PTER: variants seen among roughly 807,000 people sequenced by gnomAD.
PTER encodes the protein N-acetyltaurine hydrolase.
In PTER, 38 loss-of-function variants were observed where a neutral mutation model predicts 29.6. That is an observed-to-expected ratio of 1.28 (90% CI 0.99 to 1.68). PTER has a LOEUF of 1.68. Ranked by LOEUF, PTER falls within the 40% of genes most tolerant of loss-of-function variation. PTER has a pLI of 0.00. For synonymous variants in PTER, 172 were observed against 154.5 expected, an observed-to-expected ratio of 1.11 and a Z score of -0.84; for missense variants, 482 against 427.8, an observed-to-expected ratio of 1.13 and a Z score of -1.12.
chr10:16,517,182 A>G (rs1158171818), downstream of PTER, among the ~76,000 whole-genome samples: 2 of 152,152 alleles, frequency 1.3e-5, no homozygotes, highest in Non-Finnish European at 2.9e-5. Context: ...AGCGCAATCA[A>G]CCGATTTCTA....
At chr10:16,495,327 C>T (rs945147457) in intron 3 of PTER, among the ~76,000 whole-genome samples, 4 of 152,064 alleles carry the variant, frequency 2.6e-5, no homozygotes, top group South Asian at 2.1e-4. Context: ...TGCACTACCA[C>T]GCTCAGCCAA....
At chr10:16,450,006 G>T (rs1317234424) in intron 1 of PTER, among the ~76,000 whole-genome samples, 2 of 152,250 alleles carry the variant, frequency 1.3e-5, no homozygotes, top group East Asian at 3.9e-4. Flanking sequence ...CCTGCTTAGT[G>T]GGCCCAAATC....
intron 1 of PTER, among the ~76,000 whole-genome samples, chr10:16,464,736 C>T (rs1167379951): frequency 1.3e-5 from 2 of 152,208 alleles, no homozygotes; most frequent in African/African-American, 2.4e-5. Flanking sequence ...CTCATTCCTC[C>T]AGTATCAGTG....
Position 16,513,198 on chromosome 10 carries a change from A to G in PTER, c.*1942A>G, listed in dbSNP as rs576442516. 7 of 152,328 alleles carry G rather than the reference A, an allele frequency of 4.6e-5. No individual in the cohort carries two copies. The East Asian group carries it at 1.4e-3, about 29-fold the overall frequency. The allele number at this position is 152,328 out of a possible 1,614,324, so 9.4% of individuals were successfully genotyped here. A position where few individuals can be genotyped will look rare whatever the true frequency, so the allele number is the denominator to read the frequency against. On this transcript the variant is annotated 3_prime_UTR_variant, in exon 5 of 5. Coordinates refer to ENST00000535784, the MANE Select transcript of PTER (RefSeq NM_001261836.2). ...AATAAAGGGCATTTTGACCTAATAC[A>G]ATTAATTTTCTGGATAACTCTTAAA...
At chr10:16,513,881 AAG>A (rs1181185920), downstream of PTER, 1 of 155,148 alleles carries the variant, frequency 6.4e-6, no homozygotes, top group South Asian at 2.1e-4. Flanking sequence ...ATCACCAGAA[AAG>A]AGAGAAAAGA....
At chr10:16,504,809 C>T (rs1836495169) in intron 3 of PTER, among the ~76,000 whole-genome samples, 1 of 152,164 alleles carries the variant, frequency 6.6e-6, no homozygotes, top group Non-Finnish European at 1.5e-5. Flanking sequence ...GAGGGGAAAA[C>T]TCCTTTTTAG....
intron 3 of PTER, among the ~76,000 whole-genome samples, chr10:16,500,994 C>T (rs1011330947): frequency 6.6e-5 from 10 of 152,100 alleles, no homozygotes; most frequent in Non-Finnish European, 1.5e-5. Flanking sequence ...TACAGTGGCA[C>T]GATCTCGGCT....
chr10:16,438,448 A>G (rs1442701163), intron 1 of PTER, among the ~76,000 whole-genome samples: 4 of 143,586 alleles, frequency 2.8e-5, no homozygotes, highest in Non-Finnish European at 6.0e-5. Flanking sequence ...ACGCCCGGCT[A>G]GTTTTTATTT....
At position 16,488,603 on chromosome 10, in the gene PTER, GGAGAGAGAGAGA is replaced by G. The variant is rs35122897; in HGVS notation, c.698+2000_698+2011del. On this transcript the variant is annotated intron_variant, in intron 3 of 4. Transcript: ENST00000535784. ...CTAATTTAAATATATATATATATAT[GGAGAGAGAGAGA>G]GAGAGAGAGAGAGTCTGTCTCTCTG... Among the ~76,000 whole-genome samples the G allele has an allele frequency of 5.5e-4, 74 of 134,028 alleles. No homozygotes were observed. In the Middle Eastern group the frequency reaches 0.013, roughly 23 times the overall value. 87.9% of individuals were successfully genotyped at this position (134,028 alleles called of 152,430 possible). A position where few individuals can be genotyped will look rare whatever the true frequency, so the allele number is the denominator to read the frequency against.
chr10:16,511,034 C>A lies in PTER; in HGVS notation c.840-12C>A. 1 of 1,604,938 alleles carries A rather than the reference C, an allele frequency of 6.2e-7. No homozygotes were observed. The highest frequency in any genetic ancestry group is 8.5e-7 in the Non-Finnish European group (1 of 1,175,074). ...AGACAAATGACATCTAATGAGTTAACATTTTTCACAGGGTGCGTCTCCTGG... is the reference window on the plus strand; with the variant it reads ...AGACAAATGACATCTAATGAGTTAAAATTTTTCACAGGGTGCGTCTCCTGG... On this transcript the variant is annotated splice_polypyrimidine_tract_variant and intron_variant, in intron 4 of 4. Coordinates refer to ENST00000535784, the MANE Select transcript of PTER (RefSeq NM_001261836.2).
downstream of PTER, among the ~76,000 whole-genome samples, chr10:16,516,064 A>T (rs1007581311): frequency 6.6e-6 from 1 of 152,176 alleles, no homozygotes; most frequent in African/African-American, 2.4e-5. Flanking sequence ...AAGACTCTTT[A>T]ACACTGCTGA....
intron 3 of PTER, among the ~76,000 whole-genome samples, chr10:16,488,425 C>T (rs958187892): frequency 5.3e-5 from 8 of 152,024 alleles, no homozygotes; most frequent in African/African-American, 1.9e-4. Flanking sequence ...GTACCTCATA[C>T]CTTCAAAAAT....
At chr10:16,494,775 T>G (rs1836027925) in intron 3 of PTER, among the ~76,000 whole-genome samples, 1 of 152,228 alleles carries the variant, frequency 6.6e-6, no homozygotes, top group East Asian at 1.9e-4. Context: ...TTTCTATTTT[T>G]GACATTTAAA....
chr10:16,448,356 C>G (rs772031097), intron 1 of PTER, among the ~76,000 whole-genome samples: 7 of 152,202 alleles, frequency 4.6e-5, no homozygotes, highest in Non-Finnish European at 8.8e-5. Context: ...GGACCCCACT[C>G]AAAACTGGCA....
intron 3 of PTER, among the ~76,000 whole-genome samples, chr10:16,496,267 A>G (rs1164576679): frequency 6.6e-6 from 1 of 152,204 alleles, no homozygotes; most frequent in African/African-American, 2.4e-5. Flanking sequence ...AAATCTAATT[A>G]TATCCCTGAT....
intron 3 of PTER, among the ~76,000 whole-genome samples, chr10:16,504,317 T>A (rs940154774): frequency 6.6e-6 from 1 of 152,220 alleles, no homozygotes; most frequent in Non-Finnish European, 1.5e-5. Context: ...TTCATTTACA[T>A]AATCTTACAT....
intron 1 of PTER, among the ~76,000 whole-genome samples, chr10:16,476,981 C>T (rs1227697643): frequency 6.8e-6 from 1 of 147,902 alleles, no homozygotes; most frequent in African/African-American, 2.5e-5. Flanking sequence ...TTTGGGCTCA[C>T]TGCAGCCTCT....
At position 16,490,204 on chromosome 10, in the gene PTER, T is replaced by A. The variant is rs553634494; in HGVS notation, c.698+3587T>A. ...ATAATAAGGTGTTGAACAGCTCATA[T>A]AATGTATTGAATACTGTACCGAAAG... On this transcript the variant is annotated intron_variant, in intron 3 of 4. Coordinates refer to ENST00000535784, the MANE Select transcript of PTER (RefSeq NM_001261836.2). Among the ~76,000 whole-genome samples the A allele has an allele frequency of 3.9e-5, 6 of 152,282 alleles. No homozygotes were observed. In the South Asian group the frequency reaches 1.2e-3, roughly 32 times the overall value.
At chr10:16,514,336 T>G (rs1836914661), downstream of PTER, 1 of 591,702 alleles carries the variant, frequency 1.7e-6, no homozygotes, top group Admixed American at 3.1e-5. Context: ...ACACATCTGC[T>G]TATCTTGCTT....
Sources: allele counts gnomAD v4.1 joint callset (sites outside exome capture counted in the v4.1 genomes callset), GRCh38; gene constraint gnomAD v4.1.1; transcripts MANE v1.5; gene names NCBI Gene and HGNC (gene_info 2026-07-23, HGNC 2026-07-21).